Variants in RNF24 observed in about 807,000 individuals in gnomAD.
The protein encoded by RNF24 is ring finger protein 24.
A neutral mutation model predicts 20.0 loss-of-function variants in RNF24; 14 were observed. The ratio of observed to expected loss-of-function variants is 0.70; its 90% CI spans 0.46 to 1.10. The LOEUF (loss-of-function observed/expected upper bound fraction) is 1.10, where lower values mean the gene tolerates loss of function less well. Among genes scored for constraint, RNF24 ranks in the 50% least tolerant of loss-of-function variants. The probability of loss-of-function intolerance (pLI) is 0.00; values close to 1 mark genes in which losing one functional copy is unlikely to be tolerated. For missense variants in RNF24, 124 were observed against 177.6 expected (o/e 0.70, Z 1.71); for synonymous variants, 45 against 61.1 (o/e 0.74, Z 1.23).
At chr20:3,969,633 T>C (rs1448560465) in intron 1 of RNF24, among the ~76,000 whole-genome samples, 1 of 151,842 alleles carries the variant, frequency 6.6e-6, no homozygotes, top group Non-Finnish European at 1.5e-5. Flanking sequence ...CAGAAAAAAC[T>C]ATGGCCACAC....
chr20:4,011,445 T>C (rs1454802342), intron 1 of RNF24, among the ~76,000 whole-genome samples: 2 of 151,776 alleles, frequency 1.3e-5, no homozygotes, highest in East Asian at 3.9e-4. Flanking sequence ...ATTCCCAAGA[T>C]GATGACAAAG....
chr20:3,933,898 C>A lies in RNF24; in HGVS notation c.*165G>T, dbSNP rs2090857409. ...TCAAAGTGCTTTGGTTGTCACAAGACCCAGACACCTAGGTTCCCAGTTTGG... is the reference window on the plus strand; with the variant it reads ...TCAAAGTGCTTTGGTTGTCACAAGAACCAGACACCTAGGTTCCCAGTTTGG... On this transcript the variant is annotated 3_prime_UTR_variant, in exon 6 of 6. Coordinates refer to ENST00000358395, the MANE Select transcript of RNF24 (RefSeq NM_001134337.3). 4 of 548,850 alleles carry A rather than the reference C, an allele frequency of 7.3e-6. No individual in the cohort carries two copies. The highest frequency in any genetic ancestry group is 1.2e-5 in the Non-Finnish European group (4 of 344,300). The allele number at this position is 548,850 out of a possible 1,614,324, so 34.0% of individuals were successfully genotyped here. A position where few individuals can be genotyped will look rare whatever the true frequency, so the allele number is the denominator to read the frequency against.
intron 2 of RNF24, among the ~76,000 whole-genome samples, chr20:3,961,421 GGA>G (rs1373812656): frequency 6.7e-6 from 1 of 149,622 alleles, no homozygotes; most frequent in Non-Finnish European, 1.5e-5. Flanking sequence ...AGATACAAAA[GGA>G]TAAAATTAAG....
intron 3 of RNF24, among the ~76,000 whole-genome samples, chr20:3,947,906 C>T (rs1432207422): frequency 6.6e-6 from 1 of 151,942 alleles, no homozygotes; most frequent in Non-Finnish European, 1.5e-5. Context: ...ATTAGCCAGG[C>T]GTGGTGGCGC....
intron 1 of RNF24, among the ~76,000 whole-genome samples, chr20:3,998,392 T>C (rs1435963831): frequency 6.6e-6 from 1 of 151,618 alleles, no homozygotes; most frequent in Non-Finnish European, 1.5e-5. Flanking sequence ...CTGACCAGTA[T>C]GGTGAAACCC....
intron 1 of RNF24, among the ~76,000 whole-genome samples, chr20:3,995,992 C>T (rs1377499407): frequency 1.3e-5 from 2 of 152,068 alleles, no homozygotes; most frequent in Non-Finnish European, 1.5e-5. Flanking sequence ...TCACACAAAG[C>T]GCTATTATTC....
intron 1 of RNF24, among the ~76,000 whole-genome samples, chr20:3,973,869 A>G (rs1978617103): frequency 6.6e-6 from 1 of 152,188 alleles, no homozygotes; most frequent in Admixed American, 6.5e-5. Context: ...AATGGGAGGG[A>G]ACATTTCTCA....
chr20:4,008,526 ATAT>A (rs1450961552), intron 1 of RNF24, among the ~76,000 whole-genome samples: 1 of 119,110 alleles, frequency 8.4e-6, no homozygotes, highest in African/African-American at 3.2e-5. Flanking sequence ...TATTATATAT[ATAT>A]TATTTATATA....
chr20:4,003,565 T>C (rs1477570440), intron 1 of RNF24, among the ~76,000 whole-genome samples: 1 of 151,056 alleles, frequency 6.6e-6, no homozygotes, highest in Admixed American at 6.6e-5. Flanking sequence ...AAATCTATTT[T>C]GAAAGAAAAT....
At chr20:3,985,177 T>G (rs1423909430) in intron 1 of RNF24, among the ~76,000 whole-genome samples, 1 of 152,192 alleles carries the variant, frequency 6.6e-6, no homozygotes, top group East Asian at 1.9e-4. Flanking sequence ...TTCGATTCCA[T>G]TTTTTCATCA....
chr20:4,000,866 A>C (rs372365276), intron 1 of RNF24, among the ~76,000 whole-genome samples: 1 of 152,238 alleles, frequency 6.6e-6, no homozygotes, highest in African/African-American at 2.4e-5. Context: ...AAGGCCAAAT[A>C]GGTAACAAAT....
chr20:3,944,327 G>A (rs1298242809), intron 4 of RNF24, among the ~76,000 whole-genome samples: 1 of 151,490 alleles, frequency 6.6e-6, no homozygotes, highest in Admixed American at 6.6e-5. Context: ...TATGCAGAAA[G>A]AGCAAAGGAC....
At chr20:3,982,780 T>C (rs1253334135) in intron 1 of RNF24, among the ~76,000 whole-genome samples, 1 of 151,940 alleles carries the variant, frequency 6.6e-6, no homozygotes, top group African/African-American at 2.4e-5. Context: ...TCCCAGCTAC[T>C]TGGGATGTTG....
chr20:3,990,689 A>AAT (rs1980355015), intron 1 of RNF24, among the ~76,000 whole-genome samples: 2 of 151,958 alleles, frequency 1.3e-5, no homozygotes, highest in African/African-American at 4.8e-5. Flanking sequence ...TTAAAAAAAT[A>AAT]ATATATATAT....
intron 1 of RNF24, among the ~76,000 whole-genome samples, chr20:3,975,565 G>A (rs1471686556): frequency 6.7e-6 from 1 of 149,940 alleles, no homozygotes; most frequent in East Asian, 1.9e-4. Flanking sequence ...CCAGTTATGG[G>A]TTGAATTGTG....
At chr20:3,943,305 T>G (rs1225130420) in intron 4 of RNF24, among the ~76,000 whole-genome samples, 1 of 151,980 alleles carries the variant, frequency 6.6e-6, no homozygotes, top group Non-Finnish European at 1.5e-5. Context: ...AGCAGGATTT[T>G]TTTTTTTTTT....
In RNF24 at chr20:3,934,457, A is replaced by T. The variant is rs538319004; in HGVS notation, c.309-256T>A. On this transcript the variant is annotated intron_variant, in intron 5 of 5. Transcript: ENST00000358395. The surrounding 1 kb of genome is among the most constrained non-coding windows in gnomAD (Gnocchi z 4.0). ...ATCTTCCACGTGTGAAGCCACAGATAGTATGTGATACTCTCAGTTACCCAT... is the reference window on the plus strand; with the variant it reads ...ATCTTCCACGTGTGAAGCCACAGATTGTATGTGATACTCTCAGTTACCCAT... 6.6e-6 allele frequency among the ~76,000 whole-genome samples: 1 copy of T among 152,338 alleles called. No individual in the cohort carries two copies. The highest frequency in any genetic ancestry group is 2.4e-5 in the African/African-American group (1 of 41,580).
At chr20:3,961,267 T>C (rs2091198725) in intron 2 of RNF24, among the ~76,000 whole-genome samples, 1 of 151,940 alleles carries the variant, frequency 6.6e-6, no homozygotes, top group South Asian at 2.1e-4. Context: ...CTGGGTGTGG[T>C]GGTGGGTGTC....
chr20:3,991,071 G>C (rs1298388257), intron 1 of RNF24, among the ~76,000 whole-genome samples: 1 of 152,116 alleles, frequency 6.6e-6, no homozygotes, highest in East Asian at 1.9e-4. Flanking sequence ...ACTGGTATCA[G>C]TGATTGAGCC....
Sources: gnomAD v4.1 joint callset for allele counts (sites outside exome capture counted in the v4.1 genomes callset) on GRCh38, gnomAD v4.1.1 for gene constraint, Gnocchi (gnomAD v3.1) non-coding constraint, MANE v1.5 for transcripts, NCBI Gene and HGNC (gene_info 2026-07-23, HGNC 2026-07-21) for gene names.